The following C3orf85 variants were observed in gnomAD, a reference collection of about 807,000 sequenced individuals.
The protein encoded by C3orf85 is chromosome 3 open reading frame 85.
Under a neutral mutation model 1.7 loss-of-function variants are expected in C3orf85, and 1 was observed. The ratio of observed to expected loss-of-function variants is 0.60; its 90% confidence interval spans 0.21 to 2.86. The LOEUF is 2.86. C3orf85 is among the 30% of genes most tolerant of loss of function. The pLI is 0.22. For missense variants in C3orf85, 29 were observed against 21.3 expected (o/e 1.36, Z -0.72); for synonymous variants, 17 against 8.0 (o/e 2.13, Z -1.90).
At chr3:109,138,785 C>T (rs577843326) in intron 2 of C3orf85, among the ~76,000 whole-genome samples, 41 of 152,134 alleles carry the variant, frequency 2.7e-4, no homozygotes, top group African/African-American at 7.5e-4. Flanking sequence ...GTAACTTATA[C>T]GCATTGGAGC....
chr3:109,143,413 T>G (rs577873622), intron 2 of C3orf85, among the ~76,000 whole-genome samples: 1 of 152,260 alleles, frequency 6.6e-6, no homozygotes, highest in Non-Finnish European at 1.5e-5. Context: ...GTTTTCATTA[T>G]GCTCATACTG....
chr3:109,139,903 G>A (rs1310940936), intron 2 of C3orf85, among the ~76,000 whole-genome samples: 1 of 152,106 alleles, frequency 6.6e-6, no homozygotes, highest in Non-Finnish European at 1.5e-5. Context: ...AAAGATTTTT[G>A]ATTTGCTTTG....
intron 3 of C3orf85, 110 bp downstream of exon 3, chr3:109,148,496 C>A: frequency 1.5e-6 from 1 of 676,802 alleles, no homozygotes; most frequent in Non-Finnish European, 2.7e-6. Flanking sequence ...TTTTTCCTCT[C>A]TAGACACTCT....
At chr3:109,143,543 C>T (rs958411565) in intron 2 of C3orf85, among the ~76,000 whole-genome samples, 1 of 152,214 alleles carries the variant, frequency 6.6e-6, no homozygotes, top group Admixed American at 6.5e-5. Context: ...TTCTGACTGT[C>T]GCAGTGCTAA....
intron 2 of C3orf85, among the ~76,000 whole-genome samples, chr3:109,137,668 T>A (rs572599373): frequency 6.3e-5 from 9 of 142,042 alleles, no homozygotes; most frequent in East Asian, 2.0e-4. Context: ...TATATATATA[T>A]AAAATAAGCC....
At chr3:109,138,295 G>C (rs1370746725) in intron 2 of C3orf85, among the ~76,000 whole-genome samples, 1 of 152,226 alleles carries the variant, frequency 6.6e-6, no homozygotes, top group Non-Finnish European at 1.5e-5. Context: ...TATGCACACT[G>C]CTGGATTAGC....
chr3:109,142,075 C>T (rs75501290), intron 2 of C3orf85, among the ~76,000 whole-genome samples: 2,521 of 152,090 alleles, frequency 0.017, 69 homozygotes, highest in African/African-American at 0.057. Context: ...TTTTAGAAAA[C>T]ATGAACGTAA....
chr3:109,142,456 C>T (rs781386209), intron 2 of C3orf85, among the ~76,000 whole-genome samples: 14 of 152,178 alleles, frequency 9.2e-5, no homozygotes, highest in Non-Finnish European at 1.6e-4. Context: ...ACTGCTTACT[C>T]TCCATCTCTA....
At chr3:109,142,956 G>A (rs1476463801) in intron 2 of C3orf85, among the ~76,000 whole-genome samples, 1 of 152,162 alleles carries the variant, frequency 6.6e-6, no homozygotes, top group East Asian at 1.9e-4. Flanking sequence ...CCCCAAATTT[G>A]GCAAATTTAT....
chr3:109,149,088 T>C (rs1274584965), intron 3 of C3orf85: 1 of 152,232 alleles, frequency 6.6e-6, no homozygotes, highest in Non-Finnish European at 1.5e-5. Context: ...ATTGCTGAAT[T>C]ATCTGAGTAT....
At chr3:109,142,156 A>C (rs1706749397) in intron 2 of C3orf85, among the ~76,000 whole-genome samples, 2 of 152,212 alleles carry the variant, frequency 1.3e-5, no homozygotes, top group Admixed American at 1.3e-4. Context: ...GGAAATTTTT[A>C]CACCATTACT....
At position 109,137,651 on chromosome 3, in the gene C3orf85, A is replaced by G. The variant is rs1032951828; in HGVS notation, c.49+755A>G. Among the ~76,000 whole-genome samples the G allele has an allele frequency of 7.3e-4, 104 of 142,376 alleles. 2 individuals carry two copies. In the East Asian group the frequency reaches 0.016, roughly 22 times the overall value. The allele number at this position is 142,376 out of a possible 152,430, so 93.4% of individuals were successfully genotyped here. ...TGTGTGTGTGTGTATATATATATATATATATATATATATATATAAAATAAG... is the reference window on the plus strand; with the variant it reads ...TGTGTGTGTGTGTATATATATATATGTATATATATATATATATAAAATAAG... On this transcript the variant is annotated intron_variant, in intron 2 of 3. Transcript: ENST00000622536.
chr3:109,138,052 T>G (rs370062738), intron 2 of C3orf85, among the ~76,000 whole-genome samples: 2 of 152,182 alleles, frequency 1.3e-5, no homozygotes, highest in East Asian at 3.9e-4. Context: ...TATGAATGCT[T>G]CAGGGTCAAA....
chr3:109,144,470 T>C (rs751481076), intron 2 of C3orf85, among the ~76,000 whole-genome samples: 9 of 152,310 alleles, frequency 5.9e-5, no homozygotes, highest in South Asian at 4.1e-4. Flanking sequence ...TTAAGATTTA[T>C]TGGATGCCTG....
chr3:109,141,726 T>A (rs1179822226), intron 2 of C3orf85, among the ~76,000 whole-genome samples: 1 of 152,168 alleles, frequency 6.6e-6, no homozygotes, highest in African/African-American at 2.4e-5. Context: ...GCTATGCCAT[T>A]GTGTGTAAAA....
intron 2 of C3orf85, among the ~76,000 whole-genome samples, chr3:109,141,692 G>A (rs370429575): frequency 1.3e-5 from 2 of 152,150 alleles, no homozygotes; most frequent in East Asian, 3.9e-4. Flanking sequence ...AGTGACCAAA[G>A]GTAATGGGGA....
Position 109,137,619 on chromosome 3 carries a change from A to G in C3orf85, c.49+723A>G, listed in dbSNP as rs183890955. On this transcript the variant is annotated intron_variant, in intron 2 of 3. Transcript: ENST00000622536. The stretch of plus-strand genomic sequence containing the variant: ...CACACACAGCTAGATAGATGTATAT[A>G]TGTGTGTGTGTGTGTGTGTATATAT... Among the ~76,000 whole-genome samples the G allele has an allele frequency of 2.6e-3, 273 of 106,834 alleles. 2 individuals are homozygous for G. The highest frequency in any genetic ancestry group is 7.2e-3 in the African/African-American group (232 of 32,130). 70.1% of individuals were successfully genotyped at this position (106,834 alleles called of 152,430 possible).
At chr3:109,146,153 G>A (rs1015529312) in intron 2 of C3orf85, 2 of 152,210 alleles carry the variant, frequency 1.3e-5, no homozygotes, top group Admixed American at 1.3e-4. Context: ...GCATGCAGTA[G>A]TGATTAGCAA....
chr3:109,146,203 C>A (rs1453309027), intron 2 of C3orf85: 1 of 152,152 alleles, frequency 6.6e-6, no homozygotes, highest in Non-Finnish European at 1.5e-5. Context: ...TGATGATAAT[C>A]AGAGCAAGGA....
Sources: gnomAD v4.1 joint callset for allele counts (sites outside exome capture counted in the v4.1 genomes callset) on GRCh38, gnomAD v4.1.1 for gene constraint, MANE v1.5 for transcripts, NCBI Gene and HGNC (gene_info 2026-07-23, HGNC 2026-07-21) for gene names.